DOK5: variants seen among roughly 807,000 people sequenced by gnomAD.
The protein encoded by DOK5 is docking protein 5, also known as downstream of tyrosine kinase 5.
In DOK5, 27 loss-of-function variants were observed where a neutral mutation model predicts 43.3. The observed-to-expected ratio is 0.62, with a 90% confidence interval of 0.46 to 0.86. The LOEUF (loss-of-function observed/expected upper bound fraction) is 0.86. DOK5 is among the 40% of genes least tolerant of loss of function. The probability of loss-of-function intolerance (pLI) is 0.00; values close to 1 mark genes in which losing one functional copy is unlikely to be tolerated. For missense variants in DOK5, 373 were observed against 392.9 expected, an observed-to-expected ratio of 0.95 and a Z score of 0.43; for synonymous variants, 146 against 140.1, an observed-to-expected ratio of 1.04 and a Z score of -0.30.
At chr20:54,596,279 A>G (rs1986138244) in intron 5 of DOK5, among the ~76,000 whole-genome samples, 1 of 152,224 alleles carries the variant, frequency 6.6e-6, no homozygotes, top group African/African-American at 2.4e-5. Flanking sequence ...ATCAACCAGT[A>G]TAATTTTCCC....
intron 1 of DOK5, among the ~76,000 whole-genome samples, chr20:54,485,351 C>T (rs548167038): frequency 4.5e-4 from 56 of 125,008 alleles, no homozygotes; most frequent in South Asian, 9.9e-4. Context: ...AAGACTCCGT[C>T]TCAAAAAAAA....
At chr20:54,543,629 G>C (rs1262099294) in intron 1 of DOK5, among the ~76,000 whole-genome samples, 2 of 151,702 alleles carry the variant, frequency 1.3e-5, no homozygotes. Flanking sequence ...GAGGGGAAGG[G>C]AGAGGATTAC....
At chr20:54,643,702 C>G in intron 7 of DOK5, 124 bp downstream of exon 7, 1 of 1,289,354 alleles carries the variant, frequency 7.8e-7, no homozygotes, top group Non-Finnish European at 1.0e-6. Flanking sequence ...AAGGTAGGAC[C>G]CCCATCAAGG....
chr20:54,592,550 T>C lies in DOK5; in HGVS notation c.599+745T>C, dbSNP rs970762929. 2.0e-5 allele frequency among the ~76,000 whole-genome samples: 3 copies of C among 151,830 alleles called. No individual in the cohort carries two copies. In the East Asian group the frequency reaches 5.8e-4, roughly 29 times the overall value. On this transcript the variant is annotated intron_variant, in intron 5 of 7. Coordinates refer to ENST00000262593, the MANE Select transcript of DOK5 (RefSeq NM_018431.5). ...GGGAACACTGCAGGTAATTTTTTTT[T>C]TTTTTTTGAGATGGAGTCTCGCTCT...
At chr20:54,604,788 G>A (rs762482760) in intron 5 of DOK5, among the ~76,000 whole-genome samples, 1 of 151,962 alleles carries the variant, frequency 6.6e-6, no homozygotes, top group African/African-American at 2.4e-5. Flanking sequence ...ATCACCCGAG[G>A]TCAGGAGTTC....
chr20:54,524,125 T>A (rs1402679410), intron 1 of DOK5, among the ~76,000 whole-genome samples: 3 of 152,006 alleles, frequency 2.0e-5, no homozygotes, highest in Admixed American at 2.0e-4. Context: ...CCTCCCACTG[T>A]GAGATGATGG....
intron 1 of DOK5, among the ~76,000 whole-genome samples, chr20:54,501,907 A>G (rs1982623525): frequency 1.3e-5 from 2 of 152,184 alleles, no homozygotes; most frequent in Admixed American, 6.5e-5. Context: ...AGCAAATTTT[A>G]TTTCCTCGGT....
intron 1 of DOK5, among the ~76,000 whole-genome samples, chr20:54,524,181 T>C (rs554109024): frequency 1.3e-5 from 2 of 151,898 alleles, no homozygotes; most frequent in South Asian, 4.2e-4. Context: ...GGGAGAAAGA[T>C]TGTGCTGGGG....
At chr20:54,630,199 C>T (rs752985007) in intron 6 of DOK5, among the ~76,000 whole-genome samples, 8 of 152,052 alleles carry the variant, frequency 5.3e-5, no homozygotes, top group Admixed American at 1.3e-4. Context: ...CATCGGGGTA[C>T]GGACCAAGGT....
At chr20:54,619,942 T>C (rs73146060) in intron 6 of DOK5, among the ~76,000 whole-genome samples, 487 of 152,292 alleles carry the variant, frequency 3.2e-3, no homozygotes, top group Non-Finnish European at 4.5e-3. Context: ...GTGTAAACGC[T>C]CTTTTCACAA....
chr20:54,589,537 C>T (rs895704889), intron 4 of DOK5, among the ~76,000 whole-genome samples: 1 of 152,096 alleles, frequency 6.6e-6, no homozygotes, highest in Non-Finnish European at 1.5e-5. Flanking sequence ...CAGAACAAAC[C>T]TGGATGTGAG....
chr20:54,638,661 G>A (rs1978955821), intron 6 of DOK5, among the ~76,000 whole-genome samples: 1 of 152,016 alleles, frequency 6.6e-6, no homozygotes, highest in Admixed American at 6.6e-5. Context: ...TAGAGTCCAG[G>A]GACATGATTT....
intron 2 of DOK5, among the ~76,000 whole-genome samples, chr20:54,586,947 G>T (rs893669964): frequency 6.6e-6 from 1 of 151,950 alleles, no homozygotes; most frequent in African/African-American, 2.4e-5. Context: ...TTTGTCCCAC[G>T]TGCAATGGGA....
intron 1 of DOK5, among the ~76,000 whole-genome samples, chr20:54,484,826 G>A (rs768905110): frequency 2.6e-5 from 4 of 152,122 alleles, no homozygotes; most frequent in Non-Finnish European, 5.9e-5. Flanking sequence ...CTAGTCTCAG[G>A]CAACATAGTG....
intron 2 of DOK5, among the ~76,000 whole-genome samples, chr20:54,564,913 A>G (rs1415925315): frequency 2.0e-5 from 3 of 152,204 alleles, no homozygotes; most frequent in Non-Finnish European, 4.4e-5. Context: ...CCGACTTGCC[A>G]TGCCACTTGT....
chr20:54,499,160 T>C (rs1982503900), intron 1 of DOK5, among the ~76,000 whole-genome samples: 1 of 152,246 alleles, frequency 6.6e-6, no homozygotes, highest in South Asian at 2.1e-4. Context: ...AATTTAACTC[T>C]TGGGATAAGG....
intron 6 of DOK5, among the ~76,000 whole-genome samples, chr20:54,617,717 G>A (rs913018299): frequency 6.6e-6 from 1 of 152,170 alleles, no homozygotes; most frequent in Non-Finnish European, 1.5e-5. Flanking sequence ...AGATCATGGG[G>A]CCACCTCAGT....
intron 1 of DOK5, among the ~76,000 whole-genome samples, chr20:54,488,175 C>T (rs1018343265): frequency 1.3e-5 from 2 of 152,176 alleles, no homozygotes; most frequent in Non-Finnish European, 2.9e-5. Flanking sequence ...CAACAGTGGC[C>T]TCAAATCTGG....
At chr20:54,492,633 A>G (rs1011273352) in intron 1 of DOK5, among the ~76,000 whole-genome samples, 1 of 152,082 alleles carries the variant, frequency 6.6e-6, no homozygotes, top group African/African-American at 2.4e-5. Context: ...AATTTTCTTC[A>G]AAGAGGTTGT....
Sources: gnomAD v4.1 joint callset for allele counts (sites outside exome capture counted in the v4.1 genomes callset) on GRCh38, gnomAD v4.1.1 for gene constraint, MANE v1.5 for transcripts, NCBI Gene and HGNC (gene_info 2026-07-23, HGNC 2026-07-21) for gene names.